The following CHODL variants were observed in gnomAD, a reference collection of about 807,000 sequenced individuals.
CHODL encodes the protein transmembrane protein MT75.
In CHODL, 29 loss-of-function variants were observed where a neutral mutation model predicts 34.5. The ratio of observed to expected loss-of-function variants is 0.84; its 90% CI spans 0.63 to 1.15. CHODL has a LOEUF of 1.15. CHODL is among the 50% of genes most tolerant of loss of function. The probability of loss-of-function intolerance (pLI) is 0.00; values close to 1 mark genes in which losing one functional copy is unlikely to be tolerated. For missense variants in CHODL, 332 were observed against 332.5 expected, an observed-to-expected ratio of 1.00 and a Z score of 0.01; for synonymous variants, 125 against 116.1, an observed-to-expected ratio of 1.08 and a Z score of -0.49.
chr21:18,255,716 A>T (rs555624331), intron 1 of CHODL, among the ~76,000 whole-genome samples: 50 of 152,170 alleles, frequency 3.3e-4, no homozygotes, highest in African/African-American at 1.2e-3. Flanking sequence ...TTTTTAAAAA[A>T]GTACTTAATT....
chr21:17,985,521 T>C (rs537200220), intron 1 of CHODL, among the ~76,000 whole-genome samples: 4 of 152,316 alleles, frequency 2.6e-5, no homozygotes, highest in African/African-American at 9.6e-5. Context: ...AAAATTCTAG[T>C]TGGTTTTCCT....
intron 2 of CHODL, among the ~76,000 whole-genome samples, chr21:18,145,207 C>G (rs1335757652): frequency 6.6e-6 from 1 of 150,794 alleles, no homozygotes; most frequent in East Asian, 2.0e-4. Flanking sequence ...GAGGCCGAGA[C>G]TGGCGGATCA....
Position 18,256,579 on chromosome 21 carries a change from C to T in CHODL, c.150C>T (p.Ser50=). ...YKMAYFHELS[S]RVSFQEARLA... is the part of the protein sequence containing the mutation. ...TGGCCTACTTCCATGAACTGTCCAGCCGAGTGAGCTTTCAGGAGGCACGCC... is the reference window on the plus strand; with the variant it reads ...TGGCCTACTTCCATGAACTGTCCAGTCGAGTGAGCTTTCAGGAGGCACGCC... Residue 50 remains serine, a synonymous_variant, in exon 2 of 6, where the codon AGC becomes AGT. Coordinates refer to ENST00000299295, the MANE Select transcript of CHODL (RefSeq NM_024944.3). 1 of 1,613,802 alleles carries T rather than the reference C, an allele frequency of 6.2e-7. No homozygotes were observed. The highest frequency in any genetic ancestry group is 1.3e-5 in the African/African-American group (1 of 74,932).
intron 2 of CHODL, among the ~76,000 whole-genome samples, chr21:18,236,692 TA>T (rs1368701239): frequency 6.6e-6 from 1 of 152,130 alleles, no homozygotes; most frequent in Non-Finnish European, 1.5e-5. Context: ...AAAATTTGAT[TA>T]AAAATCTGTA....
At chr21:18,090,948 G>C (rs1483870042) in intron 2 of CHODL, among the ~76,000 whole-genome samples, 2 of 152,148 alleles carry the variant, frequency 1.3e-5, no homozygotes, top group African/African-American at 4.8e-5. Context: ...AGACATTGAG[G>C]ACAAAACAGG....
chr21:18,021,249 A>G (rs994466196), intron 1 of CHODL, among the ~76,000 whole-genome samples: 3 of 152,202 alleles, frequency 2.0e-5, no homozygotes, highest in Admixed American at 1.3e-4. Context: ...AAATGAGACC[A>G]AGAAGCAGCA....
upstream of CHODL, among the ~76,000 whole-genome samples, chr21:18,244,233 A>T (rs1019936100): frequency 6.6e-6 from 1 of 152,230 alleles, no homozygotes; most frequent in Admixed American, 6.5e-5. Flanking sequence ...CTTTGTGTTG[A>T]CGGTTTTCTC....
intron 2 of CHODL, among the ~76,000 whole-genome samples, chr21:18,093,571 TAAC>T (rs2065100577): frequency 6.6e-6 from 1 of 152,098 alleles, no homozygotes; most frequent in Non-Finnish European, 1.5e-5. Flanking sequence ...AGATAAGCAA[TAAC>T]AAAATTAAAA....
intron 2 of CHODL, among the ~76,000 whole-genome samples, chr21:18,044,868 A>G (rs1469461890): frequency 6.6e-6 from 1 of 151,896 alleles, no homozygotes; most frequent in Non-Finnish European, 1.5e-5. Context: ...TATGTATTCA[A>G]TAAATATGTA....
chr21:17,981,916 C>T (rs1030209228), intron 1 of CHODL, among the ~76,000 whole-genome samples: 5 of 152,148 alleles, frequency 3.3e-5, no homozygotes, highest in South Asian at 4.1e-4. Context: ...GCCAAACTTT[C>T]AAAGATAGAT....
chr21:18,259,510 C>T (rs68183427), intron 3 of CHODL, among the ~76,000 whole-genome samples: 23,075 of 152,020 alleles, frequency 0.15, 2,952 homozygotes, highest in African/African-American at 0.35. Flanking sequence ...TGCACATGTA[C>T]CCCTGAACTT....
intron 1 of CHODL, among the ~76,000 whole-genome samples, chr21:17,981,058 C>T (rs1386797046): frequency 6.6e-6 from 1 of 152,148 alleles, no homozygotes; most frequent in Non-Finnish European, 1.5e-5. Context: ...CCCATTGTAA[C>T]CAGTTAATAA....
intron 1 of CHODL, among the ~76,000 whole-genome samples, chr21:17,974,573 A>G (rs1600848259): frequency 6.6e-6 from 1 of 152,106 alleles, no homozygotes; most frequent in Admixed American, 6.6e-5. Context: ...CCCTGCCAGA[A>G]TTTTTAGTTT....
At chr21:18,066,154 T>A (rs2064729060) in intron 2 of CHODL, among the ~76,000 whole-genome samples, 1 of 152,186 alleles carries the variant, frequency 6.6e-6, no homozygotes. Flanking sequence ...ATGTTTTCTG[T>A]CAAATATAAG....
Position 18,041,614 on chromosome 21 carries a change from A to G in CHODL, c.-45+13643A>G, listed in dbSNP as rs142212927. 1.7e-3 allele frequency among the ~76,000 whole-genome samples: 255 copies of G among 152,080 alleles called. 1 individual carries two copies. Among genetic ancestry groups the G allele is most frequent in the African/African-American group, 6.0e-3 (250 of 41,542 alleles). On this transcript the variant is annotated intron_variant, in intron 2 of 6. Transcript: ENST00000400127. ...AAGCACAATATATGATTAAATCATT[A>G]ATTAGTAAAACCAAAATGATAGAAA...
chr21:18,170,517 G>T (rs926556773), intron 2 of CHODL, among the ~76,000 whole-genome samples: 1 of 152,056 alleles, frequency 6.6e-6, no homozygotes, highest in East Asian at 1.9e-4. Context: ...GGTTAAACAG[G>T]TATTTTCTGT....
In CHODL at chr21:17,946,147, G is replaced by T. The variant is rs371819107; in HGVS notation, c.-145+28747G>T. ...AAAAAGAGATTCTAGGTTGGGCGCG[G>T]TGGCTCACGCTTGTAATCCCAGCAC... is the stretch of plus-strand genomic sequence containing the variant. On this transcript the variant is annotated intron_variant, in intron 1 of 6. Transcript: ENST00000400127. Among the ~76,000 whole-genome samples, 14 of 152,332 alleles carry T rather than the reference G, an allele frequency of 9.2e-5. 1 individual carries two copies. In the East Asian group the frequency reaches 2.3e-3, roughly 25 times the overall value.
At chr21:17,963,640 A>G (rs2146354496) in intron 1 of CHODL, among the ~76,000 whole-genome samples, 1 of 152,294 alleles carries the variant, frequency 6.6e-6, no homozygotes, top group East Asian at 1.9e-4. Context: ...ACATGTAGGG[A>G]TTATAGGAAC....
chr21:18,130,721 TACC>T (rs2072644132), intron 2 of CHODL, among the ~76,000 whole-genome samples: 4 of 152,220 alleles, frequency 2.6e-5, no homozygotes, highest in Non-Finnish European at 4.4e-5. Flanking sequence ...TGTAGGATAT[TACC>T]CCCAAATTTT....
Sources: gnomAD v4.1 joint callset for allele counts (sites outside exome capture counted in the v4.1 genomes callset) on GRCh38, gnomAD v4.1.1 for gene constraint, MANE v1.5 for transcripts, NCBI Gene and HGNC (gene_info 2026-07-23, HGNC 2026-07-21) for gene names.